MAD1L1: variants seen among roughly 807,000 people sequenced by gnomAD.
MAD1L1 encodes the protein mitotic arrest deficient 1 like 1.
Under a neutral mutation model 96.9 loss-of-function variants are expected in MAD1L1, and 95 were observed. That is an observed-to-expected ratio of 0.98 (90% CI 0.83 to 1.16). The LOEUF is 1.16. Ranked by LOEUF, MAD1L1 falls within the 50% of genes most tolerant of loss-of-function variation. The probability of loss-of-function intolerance (pLI) is 0.00; values close to 1 mark genes in which losing one functional copy is unlikely to be tolerated. For synonymous variants in MAD1L1, 473 were observed against 396.6 expected, an observed-to-expected ratio of 1.19 and a Z score of -2.29; for missense variants, 1,007 against 954.4, an observed-to-expected ratio of 1.06 and a Z score of -0.73.
At chr7:2,122,700 G>C (rs185297301) in intron 11 of MAD1L1, among the ~76,000 whole-genome samples, 54 of 152,324 alleles carry the variant, frequency 3.5e-4, no homozygotes, top group African/African-American at 1.3e-3. Flanking sequence ...GAAGGATGCA[G>C]CCTTGGTCCA....
intron 10 of MAD1L1, among the ~76,000 whole-genome samples, chr7:2,206,355 A>G (rs941854721): frequency 1.3e-5 from 2 of 152,006 alleles, no homozygotes; most frequent in African/African-American, 4.8e-5. Flanking sequence ...TAATTTATCA[A>G]TTTTTTCATT....
chr7:2,047,191 C>T (rs1783962523), intron 12 of MAD1L1, among the ~76,000 whole-genome samples: 1 of 152,146 alleles, frequency 6.6e-6, no homozygotes, highest in Non-Finnish European at 1.5e-5. Context: ...ATGAGCTGAC[C>T]TAAGGCAAAG....
intron 18 of MAD1L1, among the ~76,000 whole-genome samples, chr7:1,868,210 A>T (rs911461669): frequency 2.6e-5 from 4 of 151,956 alleles, no homozygotes; most frequent in Admixed American, 1.3e-4. Flanking sequence ...GGCCAAGATA[A>T]CCTTGAGGCA....
In MAD1L1 at chr7:2,230,026, C is replaced by T. The variant is rs541980243; in HGVS notation, c.108G>A (p.Ser36=). The T allele has an allele frequency of 5.0e-5, 80 of 1,613,646 alleles. 1 individual carries two copies. In the South Asian group the frequency reaches 6.5e-4, roughly 13 times the overall value. The change falls in exon 3 of 19, where the codon TCG becomes TCA. Residue 36 remains serine (S), a synonymous_variant. Transcript: ENST00000265854. ...ACTGCATCTGCAGAGAACCTGGGGC[C>T]GAGGTAGAAATATCCAGTCCAGAGC... The part of the protein sequence containing the change: ...EGGSGLDIST[S]APGSLQMQYQ...
In MAD1L1 at chr7:2,149,213, C is replaced by A. The variant is rs766321916; in HGVS notation, c.1012G>T (p.Val338Leu). 6.2e-7 allele frequency: 1 copy of A among 1,614,090 alleles called. No individual in the cohort carries two copies. Among genetic ancestry groups the A allele is most frequent in the South Asian group, 1.1e-5 (1 of 91,062 alleles). Reference sequence around the variant, plus strand: ...AGCTCCCTCTGCTGCAGCTCAACCACGAATCTGGAAAGGTCTTCTGGAGTC... The same window carrying A: ...AGCTCCCTCTGCTGCAGCTCAACCAAGAATCTGGAAAGGTCTTCTGGAGTC... ...IRTPEDLSRFVVELQQRELAL... is the reference protein window; with the variant it reads ...IRTPEDLSRFLVELQQRELAL... The change falls in exon 11 of 19, where the codon GTG becomes TTG. Residue 338 changes from valine to leucine, a missense_variant. Transcript: ENST00000265854.
chr7:2,177,138 T>G (rs1790986359), intron 10 of MAD1L1, among the ~76,000 whole-genome samples: 1 of 152,252 alleles, frequency 6.6e-6, no homozygotes. Flanking sequence ...TGAAATAGTC[T>G]GGTCAAGTTT....
intron 3 of MAD1L1, among the ~76,000 whole-genome samples, chr7:2,227,415 G>A (rs1322370858): frequency 6.6e-6 from 1 of 152,200 alleles, no homozygotes; most frequent in Admixed American, 6.5e-5. Context: ...TTGCCCCTGG[G>A]AACATCTGGC....
rs1787868429 is a variant in MAD1L1, at chr7:2,119,395, C to T, written c.1073+29757G>A. Among the ~76,000 whole-genome samples, 1 of 152,184 alleles carries T rather than the reference C, an allele frequency of 6.6e-6. No homozygotes were observed. Among genetic ancestry groups the T allele is most frequent in the African/African-American group, 2.4e-5 (1 of 41,440 alleles). On this transcript the variant is annotated intron_variant, in intron 11 of 18. Coordinates refer to ENST00000265854, the MANE Select transcript of MAD1L1 (RefSeq NM_001013836.2). This position sits in a 1 kb window ranked among gnomAD's most constrained non-coding sequence, Gnocchi z 4.6. The stretch of plus-strand genomic sequence containing the variant: ...TGGTTTAGGACGGGGTGAGAGTCCT[C>T]CATCTCCCACCCAGATGCGATGAGC...
chr7:1,979,977 T>A (rs1780818554), intron 15 of MAD1L1, among the ~76,000 whole-genome samples: 1 of 152,034 alleles, frequency 6.6e-6, no homozygotes, highest in South Asian at 2.1e-4. Flanking sequence ...CAGAGACGAG[T>A]GTCCCTGCAG....
intron 18 of MAD1L1, among the ~76,000 whole-genome samples, chr7:1,825,388 G>T (rs1782336764): frequency 6.6e-6 from 1 of 152,346 alleles, no homozygotes; most frequent in African/African-American, 2.4e-5. Context: ...CTGGCATCTT[G>T]GCTGGTGGCA....
At chr7:1,912,094 G>C (rs764240449) in intron 17 of MAD1L1, among the ~76,000 whole-genome samples, 14 of 152,254 alleles carry the variant, frequency 9.2e-5, no homozygotes, top group Non-Finnish European at 1.9e-4. Context: ...TGTCGGGATA[G>C]TTTCCTTCTG....
intron 17 of MAD1L1, among the ~76,000 whole-genome samples, chr7:1,930,994 G>A: frequency 6.6e-6 from 1 of 151,344 alleles, no homozygotes; most frequent in East Asian, 1.9e-4. Context: ...CCTACCCACG[G>A]TCACAGGAGC....
chr7:2,112,276 G>A (rs942188363), intron 11 of MAD1L1, among the ~76,000 whole-genome samples: 2 of 152,168 alleles, frequency 1.3e-5, no homozygotes, highest in African/African-American at 4.8e-5. Flanking sequence ...CACAGCAGAA[G>A]GGCAAATGAG....
intron 11 of MAD1L1, among the ~76,000 whole-genome samples, chr7:2,080,940 CATT>C (rs1027267005): frequency 2.0e-5 from 3 of 152,216 alleles, no homozygotes; most frequent in Admixed American, 2.0e-4. Context: ...CACTTTGTGA[CATT>C]ATATCTTGGC....
chr7:2,053,822 T>G (rs371284176), intron 12 of MAD1L1, among the ~76,000 whole-genome samples: 4 of 152,310 alleles, frequency 2.6e-5, no homozygotes, highest in African/African-American at 9.6e-5. Flanking sequence ...ACGCAGGCCA[T>G]GACTCCTCAA....
In MAD1L1 at chr7:2,216,232, A is replaced by G. The variant is rs1213441077; in HGVS notation, c.734T>C (p.Met245Thr). ...QEQDAAIVKN[M>T]KSELVRLPRL... ...AGGGAGCCGTACCAGCTCAGACTTC[A>G]TGTTCTTCACAATCGCTGCATCCTG... The change falls in exon 8 of 19, where the codon ATG becomes ACG. Residue 245 changes from methionine to threonine, a missense_variant. Met to Thr is a moderately conservative substitution (Grantham distance 81). Coordinates refer to ENST00000265854, the MANE Select transcript of MAD1L1 (RefSeq NM_001013836.2). 1.2e-6 allele frequency: 2 copies of G among 1,614,178 alleles called. No homozygotes were observed. Among genetic ancestry groups the G allele is most frequent in the Non-Finnish European group, 1.7e-6 (2 of 1,180,050 alleles).
intron 11 of MAD1L1, 146 bp from the exon 12 acceptor site, chr7:2,069,484 G>A (rs534727426): frequency 2.6e-5 from 19 of 729,032 alleles, no homozygotes; most frequent in African/African-American, 2.4e-4. Context: ...CCGCACTGCT[G>A]AATAGCTACT....
intron 18 of MAD1L1, among the ~76,000 whole-genome samples, chr7:1,879,896 A>G (rs1347740172): frequency 1.3e-5 from 2 of 152,046 alleles, no homozygotes; most frequent in Non-Finnish European, 2.9e-5. Context: ...ACACCTGGCT[A>G]ATTTTTCGTA....
chr7:1,844,637 C>T (rs1231816938), intron 18 of MAD1L1, among the ~76,000 whole-genome samples: 1 of 151,996 alleles, frequency 6.6e-6, no homozygotes, highest in Non-Finnish European at 1.5e-5. Flanking sequence ...GGTGACCATC[C>T]CCCCAAAGCT....
Sources: gnomAD v4.1 joint callset for allele counts (sites outside exome capture counted in the v4.1 genomes callset) on GRCh38, gnomAD v4.1.1 for gene constraint, Gnocchi (gnomAD v3.1) non-coding constraint, MANE v1.5 for transcripts, NCBI Gene and HGNC (gene_info 2026-07-23, HGNC 2026-07-21) for gene names.